Variants in ARFGEF1 observed in about 807,000 individuals in gnomAD.
ARFGEF1 encodes the protein ARF guanine nucleotide exchange factor 1.
Under a neutral mutation model 231.0 loss-of-function variants are expected in ARFGEF1, and 42 were observed. The ratio of observed to expected loss-of-function variants is 0.18; its 90% CI spans 0.14 to 0.24. The LOEUF (loss-of-function observed/expected upper bound fraction) is 0.24, where lower values mean the gene tolerates loss of function less well. Ranked by LOEUF, ARFGEF1 falls within the 10% of genes least tolerant of loss-of-function variation. The probability of loss-of-function intolerance (pLI) is 1.00; values close to 1 mark genes in which losing one functional copy is unlikely to be tolerated. For synonymous variants in ARFGEF1, 710 were observed against 732.3 expected (o/e 0.97, Z 0.49); for missense variants, 1,345 against 2,192.0 (o/e 0.61, Z 7.72).
Position 67,238,331 on chromosome 8 carries a change from A to T in ARFGEF1, c.3289+12T>A. On this transcript the variant is annotated intron_variant, in intron 22 of 38. Coordinates refer to ENST00000262215, the MANE Select transcript of ARFGEF1 (RefSeq NM_006421.5). Reference sequence around the variant, plus strand: ...TTAAAAACAATTTTTGATACTTTGTAAAAATTCTCACCTAGCCCTAAACCC... The same window carrying T: ...TTAAAAACAATTTTTGATACTTTGTTAAAATTCTCACCTAGCCCTAAACCC... 2.5e-6 allele frequency: 4 copies of T among 1,578,992 alleles called. No individual in the cohort carries two copies. The highest frequency in any genetic ancestry group is 3.4e-6 in the Non-Finnish European group (4 of 1,168,584).
rs201878526 is a variant in ARFGEF1 at position 67,267,081 on chromosome 8, T to C, written c.1812+10A>G. On this transcript the variant is annotated intron_variant, in intron 12 of 38. Transcript: ENST00000262215. The stretch of plus-strand genomic sequence containing the variant: ...AAGTTTAAATTTGAAAATGTTTTTA[T>C]AGTTCTTACCTGAACATTACTCATA... The C allele has an allele frequency of 8.0e-5, 129 of 1,610,926 alleles. No homozygotes were observed. In the African/African-American group the frequency reaches 1.4e-3, roughly 18 times the overall value.
chr8:67,296,275 T>C (rs567110979), intron 5 of ARFGEF1, among the ~76,000 whole-genome samples, 156 bp downstream of exon 5: 6 of 152,254 alleles, frequency 3.9e-5, no homozygotes, highest in South Asian at 4.1e-4. Flanking sequence ...CAAAACAAAA[T>C]AAAACACAAT....
At chr8:67,330,102 TCAAA>T (rs1013284683) in intron 1 of ARFGEF1, among the ~76,000 whole-genome samples, 1 of 151,988 alleles carries the variant, frequency 6.6e-6, no homozygotes, top group Non-Finnish European at 1.5e-5. Context: ...GAAAAAGCAA[TCAAA>T]CAAAAAGAAC....
chr8:67,343,118 C>CGGGGG, intron 1 of ARFGEF1, 46 bp downstream of exon 1: 4 of 1,228,294 alleles, frequency 3.3e-6, no homozygotes, highest in Non-Finnish European at 4.4e-6. Flanking sequence ...CCCCCCTCCC[C>CGGGGG]GCCCCACAAC....
chr8:67,297,257 G>C (rs899510045), intron 4 of ARFGEF1, among the ~76,000 whole-genome samples: 3 of 152,156 alleles, frequency 2.0e-5, no homozygotes, highest in Non-Finnish European at 4.4e-5. Context: ...CGTCACATGA[G>C]ATATCTGTTG....
At chr8:67,282,303 C>G (rs1420559470) in intron 7 of ARFGEF1, among the ~76,000 whole-genome samples, 1 of 151,952 alleles carries the variant, frequency 6.6e-6, no homozygotes, top group Non-Finnish European at 1.5e-5. Flanking sequence ...GTTTTCATTT[C>G]AAATTAATTG....
chr8:67,193,208 C>G (rs1441807341), downstream of ARFGEF1, among the ~76,000 whole-genome samples: 1 of 152,140 alleles, frequency 6.6e-6, no homozygotes, highest in African/African-American at 2.4e-5. Context: ...CCTCCACCTC[C>G]TGCCTCAGCC....
intron 1 of ARFGEF1, among the ~76,000 whole-genome samples, chr8:67,324,550 A>T (rs1178190567): frequency 1.3e-5 from 2 of 151,990 alleles, no homozygotes; most frequent in East Asian, 3.9e-4. Flanking sequence ...CCATGACCCT[A>T]CCCTAGTACT....
At chr8:67,225,598 G>A (rs1167195824) in intron 28 of ARFGEF1, among the ~76,000 whole-genome samples, 1 of 152,122 alleles carries the variant, frequency 6.6e-6, no homozygotes, top group African/African-American at 2.4e-5. Flanking sequence ...TCCATAGTCA[G>A]TCAGCTTCAG....
Position 67,251,288 on chromosome 8 carries a change from A to AAAATTCTAACCTT in ARFGEF1, c.2848_2850+10dup. The AAAATTCTAACCTT allele has an allele frequency of 6.3e-7, 1 of 1,575,588 alleles. No individual in the cohort carries two copies. Among genetic ancestry groups the AAAATTCTAACCTT allele is most frequent in the Non-Finnish European group, 8.6e-7 (1 of 1,164,978 alleles). ...GTACACTGCAATCAAACATTACTTGAAAATTCTAACCTTAAACATGGGCCT... is the reference window on the plus strand; with the variant it reads ...GTACACTGCAATCAAACATTACTTGAAAATTCTAACCTTAAATTCTAACCTTAAACATGGGCCT... On this transcript the variant is annotated intron_variant, in intron 19 of 38. Transcript: ENST00000262215.
intron 1 of ARFGEF1, among the ~76,000 whole-genome samples, chr8:67,332,068 GAC>G (rs1217946169): frequency 1.3e-5 from 2 of 151,994 alleles, no homozygotes; most frequent in African/African-American, 2.4e-5. Flanking sequence ...TTAAACAAAT[GAC>G]ACACTGTTAA....
chr8:67,276,816 A>G (rs935578840), intron 8 of ARFGEF1, among the ~76,000 whole-genome samples: 1 of 152,152 alleles, frequency 6.6e-6, no homozygotes, highest in African/African-American at 2.4e-5. Flanking sequence ...TCTGCATTAT[A>G]CCGAATGAGC....
intron 36 of ARFGEF1, 75 bp downstream of exon 36, chr8:67,203,008 G>T: frequency 6.9e-7 from 1 of 1,446,716 alleles, no homozygotes; most frequent in Non-Finnish European, 9.4e-7. Flanking sequence ...GACAGTCAAT[G>T]AGTTCTGAGA....
At chr8:67,225,895 G>A (rs1006815188) in intron 28 of ARFGEF1, 128 bp downstream of exon 28, 1 of 924,072 alleles carries the variant, frequency 1.1e-6, no homozygotes, top group African/African-American at 1.7e-5. Context: ...TTGGAATCAG[G>A]CTGCTCAGAT....
At position 67,204,812 on chromosome 8, in the gene ARFGEF1, T is replaced by C; in HGVS notation, c.4827A>G (p.Pro1609=). The C allele has an allele frequency of 3.1e-6, 5 of 1,613,802 alleles. No homozygotes were observed. The highest frequency in any genetic ancestry group is 4.2e-6 in the Non-Finnish European group (5 of 1,179,956). Residue 1609 remains proline (P), a synonymous_variant, in exon 35 of 39, where the codon CCA becomes CCG. Coordinates refer to ENST00000262215, the MANE Select transcript of ARFGEF1 (RefSeq NM_006421.5). ...VSKIKSTAKF[P]EQKLFAALLI... Reference sequence around the variant, plus strand: ...ACAGGGCAGCAAACAATTTTTGTTCTGGAAATTCTGTGAGGAAACCCCCCC... The same window carrying C: ...ACAGGGCAGCAAACAATTTTTGTTCCGGAAATTCTGTGAGGAAACCCCCCC...
chr8:67,252,197 A>G (rs973337181), intron 18 of ARFGEF1, among the ~76,000 whole-genome samples: 1 of 148,488 alleles, frequency 6.7e-6, no homozygotes, highest in Non-Finnish European at 1.5e-5. Context: ...GCTTGAACCC[A>G]GGAGACGGAG....
chr8:67,223,142 G>T (rs1839258387), intron 29 of ARFGEF1, among the ~76,000 whole-genome samples: 1 of 152,168 alleles, frequency 6.6e-6, no homozygotes, highest in Admixed American at 6.5e-5. Context: ...GAGAATTTTG[G>T]AAGAATTAAG....
chr8:67,292,623 C>CTT (rs551244310), intron 5 of ARFGEF1, among the ~76,000 whole-genome samples: 10 of 151,888 alleles, frequency 6.6e-5, no homozygotes, highest in Non-Finnish European at 1.5e-4. Context: ...ACAATGAAGG[C>CTT]TTAAATCACT....
intron 1 of ARFGEF1, among the ~76,000 whole-genome samples, chr8:67,313,324 A>C (rs1194492598): frequency 2.6e-5 from 4 of 152,066 alleles, no homozygotes; most frequent in African/African-American, 9.7e-5. Flanking sequence ...ACTGCTGGTA[A>C]ACTAGTGTGA....
Sources: allele counts gnomAD v4.1 joint callset (sites outside exome capture counted in the v4.1 genomes callset), GRCh38; gene constraint gnomAD v4.1.1; transcripts MANE v1.5; gene names NCBI Gene and HGNC (gene_info 2026-07-23, HGNC 2026-07-21).